TMEM50B: variants seen among roughly 807,000 people sequenced by gnomAD.
TMEM50B encodes the protein transmembrane protein 50B, also known as HCV p7-trans-regulated protein 3.
TMEM50B carries 14 observed loss-of-function variants against 23.4 expected under a neutral mutation model. The ratio of observed to expected loss-of-function variants is 0.60; its 90% CI spans 0.39 to 0.93. The LOEUF (loss-of-function observed/expected upper bound fraction) is 0.93, where lower values mean the gene tolerates loss of function less well. Ranked by LOEUF, TMEM50B falls within the 40% of genes least tolerant of loss-of-function variation. The probability of loss-of-function intolerance (pLI) is 0.00; values close to 1 mark genes in which losing one functional copy is unlikely to be tolerated. For synonymous variants in TMEM50B, 64 were observed against 62.3 expected (o/e 1.03, Z -0.13); for missense variants, 159 against 193.0 (o/e 0.82, Z 1.04).
chr21:33,451,938 T>C (rs1469311596), intron 6 of TMEM50B, among the ~76,000 whole-genome samples: 1 of 151,782 alleles, frequency 6.6e-6, no homozygotes, highest in Non-Finnish European at 1.5e-5. Context: ...ATAAAAGAGG[T>C]TGTACCCCAG....
At chr21:33,454,181 C>A (rs1180594819) in intron 6 of TMEM50B, among the ~76,000 whole-genome samples, 2 of 151,642 alleles carry the variant, frequency 1.3e-5, no homozygotes, top group East Asian at 3.9e-4. Flanking sequence ...GAAGACTGCC[C>A]CTAAAAAATA....
At chr21:33,473,593 T>C (rs760704283) in intron 1 of TMEM50B, among the ~76,000 whole-genome samples, 1 of 151,726 alleles carries the variant, frequency 6.6e-6, no homozygotes, top group Non-Finnish European at 1.5e-5. Context: ...CAAGGATCAC[T>C]TGTGCCCAGA....
chr21:33,474,497 G>A (rs1490151071), intron 1 of TMEM50B, among the ~76,000 whole-genome samples: 1 of 150,934 alleles, frequency 6.6e-6, no homozygotes, highest in Non-Finnish European at 1.5e-5. Context: ...AAGAAAAACT[G>A]AAGAGGCCAG....
At chr21:33,437,119 T>G in intron 8 of TMEM50B, 1 of 628,054 alleles carries the variant, frequency 1.6e-6, no homozygotes. Context: ...CTCATGGGGG[T>G]GACAAGCTTT....
intron 1 of TMEM50B, among the ~76,000 whole-genome samples, chr21:33,472,030 A>T (rs1182787275): frequency 1.2e-5 from 1 of 82,004 alleles, no homozygotes; most frequent in African/African-American, 3.6e-5. Context: ...AGACTCCCCT[A>T]AAAAAAAAAA....
intron 6 of TMEM50B, among the ~76,000 whole-genome samples, chr21:33,451,323 G>C (rs2084117605): frequency 6.6e-6 from 1 of 152,192 alleles, no homozygotes; most frequent in African/African-American, 2.4e-5. Context: ...GCACTGAAAA[G>C]TGGCTACGTA....
At chr21:33,472,329 G>T (rs2084325585) in intron 1 of TMEM50B, among the ~76,000 whole-genome samples, 2 of 152,040 alleles carry the variant, frequency 1.3e-5, no homozygotes, top group Admixed American at 1.3e-4. Flanking sequence ...GTTGCAGTGA[G>T]CCGAGATTGC....
At chr21:33,477,593 T>G (rs888826767) in intron 1 of TMEM50B, among the ~76,000 whole-genome samples, 1 of 104,338 alleles carries the variant, frequency 9.6e-6, no homozygotes, top group East Asian at 3.8e-4. Flanking sequence ...TCCCAGCACT[T>G]TGGGAGGCCG....
downstream of TMEM50B, among the ~76,000 whole-genome samples, chr21:33,445,435 A>G (rs4817570): frequency 0.092 from 13,977 of 152,348 alleles, 855 homozygotes; most frequent in East Asian, 0.25. Context: ...TGTTTTTCTT[A>G]GCATGGCATG....
intron 7 of TMEM50B, among the ~76,000 whole-genome samples, chr21:33,443,704 T>C (rs1041532149): frequency 6.6e-6 from 1 of 152,218 alleles, no homozygotes; most frequent in Non-Finnish European, 1.5e-5. Flanking sequence ...ACTGTATCAA[T>C]GTTAATTTTC....
intron 1 of TMEM50B, among the ~76,000 whole-genome samples, chr21:33,477,789 C>T (rs111705186): frequency 2.0e-5 from 3 of 148,716 alleles, no homozygotes; most frequent in African/African-American, 7.4e-5. Context: ...CCAGCCTGGG[C>T]AACAAGAGCA....
At position 33,479,972 on chromosome 21, in the gene TMEM50B, A is replaced by T. The variant is rs1227395237; in HGVS notation, c.-176T>A. 1 of 152,100 alleles carries T rather than the reference A, an allele frequency of 6.6e-6. No individual in the cohort carries two copies. Among genetic ancestry groups the T allele is most frequent in the African/African-American group, 2.4e-5 (1 of 41,420 alleles). The allele number at this position is 152,100 out of a possible 1,614,324, so 9.4% of individuals were successfully genotyped here. A position where few individuals can be genotyped will look rare whatever the true frequency, so the allele number is the denominator to read the frequency against. Reference sequence around the variant, plus strand: ...GAGCTGGGAGCAGACGCGAGGATAGAGCGCCGGTGAGGCGGGGCGAGGCGC... The same window carrying T: ...GAGCTGGGAGCAGACGCGAGGATAGTGCGCCGGTGAGGCGGGGCGAGGCGC... On this transcript the variant is annotated 5_prime_UTR_variant, in exon 1 of 7. Coordinates refer to ENST00000542230, the MANE Select transcript of TMEM50B (RefSeq NM_006134.7).
chr21:33,444,004 G>A (rs1328256382), intron 7 of TMEM50B, among the ~76,000 whole-genome samples: 3 of 152,172 alleles, frequency 2.0e-5, no homozygotes, highest in South Asian at 2.1e-4. Context: ...GGGTTCAAGC[G>A]ATTCTCCTGC....
downstream of TMEM50B, among the ~76,000 whole-genome samples, chr21:33,448,239 C>T (rs1277763868): frequency 1.1e-4 from 17 of 152,088 alleles, no homozygotes; most frequent in African/African-American, 1.7e-4. Flanking sequence ...ATGATCTGCC[C>T]GCCTCGGCCT....
intron 4 of TMEM50B, among the ~76,000 whole-genome samples, chr21:33,461,967 T>C (rs1433572488): frequency 6.6e-6 from 1 of 152,122 alleles, no homozygotes; most frequent in Non-Finnish European, 1.5e-5. Flanking sequence ...AGAAGTATGC[T>C]TTTGTTTAGC....
downstream of TMEM50B, chr21:33,448,823 C>T (rs1416883092): frequency 1.3e-5 from 2 of 151,658 alleles, no homozygotes; most frequent in African/African-American, 2.4e-5. Flanking sequence ...AAGAGGATTG[C>T]CTGAGCTCCA....
At position 33,465,418 on chromosome 21, in the gene TMEM50B, G is replaced by A. The variant is rs1376389491; in HGVS notation, c.213-9C>T. 6.2e-7 allele frequency: 1 copy of A among 1,601,910 alleles called. No individual in the cohort carries two copies. Among genetic ancestry groups the A allele is most frequent in the East Asian group, 2.2e-5 (1 of 44,534 alleles). On this transcript the variant is annotated splice_polypyrimidine_tract_variant and intron_variant, in intron 3 of 6. Coordinates refer to ENST00000542230, the MANE Select transcript of TMEM50B (RefSeq NM_006134.7). The stretch of plus-strand genomic sequence containing the variant: ...TGGATACAGCATTTATCCTAGAACG[G>A]CACAAAATCATCAAATGAATTTCAG...
downstream of TMEM50B, among the ~76,000 whole-genome samples, chr21:33,448,214 C>T (rs1311552392): frequency 2.0e-5 from 3 of 152,050 alleles, no homozygotes; most frequent in Non-Finnish European, 4.4e-5. Context: ...AGGCTGGTCT[C>T]GAACTCCTGA....
At chr21:33,454,141 T>C (rs1298502843) in intron 6 of TMEM50B, among the ~76,000 whole-genome samples, 1 of 149,760 alleles carries the variant, frequency 6.7e-6, no homozygotes, top group Non-Finnish European at 1.5e-5. Context: ...CTAAAAAGCA[T>C]AGAATGGACT....
Sources: gnomAD v4.1 joint callset for allele counts (sites outside exome capture counted in the v4.1 genomes callset) on GRCh38, gnomAD v4.1.1 for gene constraint, MANE v1.5 for transcripts, NCBI Gene and HGNC (gene_info 2026-07-23, HGNC 2026-07-21) for gene names.